Variants in SHANK1 observed in about 807,000 individuals in gnomAD.
SHANK1 encodes SH3 and multiple ankyrin repeat domains 1.
Under a neutral mutation model 165.6 loss-of-function variants are expected in SHANK1, and 35 were observed. The observed-to-expected ratio is 0.21, with a 90% confidence interval of 0.16 to 0.28. The LOEUF (loss-of-function observed/expected upper bound fraction) is 0.28, where lower values mean the gene tolerates loss of function less well. Among genes scored for constraint, SHANK1 ranks in the 10% least tolerant of loss-of-function variants. The pLI, the probability that SHANK1 is intolerant of heterozygous loss-of-function variation, is 1.00. For missense variants in SHANK1, 2,681 were observed against 3,036.4 expected (o/e 0.88, Z 2.75); for synonymous variants, 1,428 against 1,384.8 (o/e 1.03, Z -0.69).
intron 8 of SHANK1, among the ~76,000 whole-genome samples, chr19:50,707,918 TTTCTTTTCTTTTCTTTTCTTTTC>T (rs2088963266): frequency 5.9e-5 from 6 of 102,308 alleles, no homozygotes; most frequent in African/African-American, 1.2e-4. Flanking sequence ...TTTCTTTTCT[TTTCTTTTCTTTTCTTTTCTTTTC>T]TTTTCTTTTC....
intron 23 of SHANK1, among the ~76,000 whole-genome samples, chr19:50,665,605 A>G (rs1458831820): frequency 6.7e-6 from 1 of 149,630 alleles, no homozygotes; most frequent in Admixed American, 6.7e-5. Context: ...AGAAGAAAAG[A>G]AAAATTGGCC....
chr19:50,683,802 G>A (rs747450470), intron 21 of SHANK1, among the ~76,000 whole-genome samples: 17 of 152,178 alleles, frequency 1.1e-4, no homozygotes, highest in African/African-American at 3.4e-4. Context: ...AGCCCTTCGC[G>A]TATTGATTCT....
Position 50,660,452 on chromosome 19 carries a change from G to C in SHANK1, c.*1513C>G, listed in dbSNP as rs950060490. Among the ~76,000 whole-genome samples the C allele has an allele frequency of 1.3e-5, 2 of 152,098 alleles. No homozygotes were observed. Among genetic ancestry groups the C allele is most frequent in the East Asian group, 1.9e-4 (1 of 5,176 alleles). On this transcript the variant is annotated 3_prime_UTR_variant, in exon 24 of 24. Transcript: ENST00000293441. ...GTGTGCATAGGGTCTTCTCTCACCA[G>C]GAAGAGAAAGAGCTTAAGGAGGTAA...
intron 12 of SHANK1, among the ~76,000 whole-genome samples, chr19:50,698,605 C>T (rs947240359): frequency 6.1e-5 from 9 of 148,028 alleles, no homozygotes; most frequent in African/African-American, 2.2e-4. Context: ...AGATATATGA[C>T]AAGAACAGCT....
At chr19:50,689,874 A>G (rs989904840) in intron 15 of SHANK1, among the ~76,000 whole-genome samples, 2 of 152,146 alleles carry the variant, frequency 1.3e-5, no homozygotes, top group Non-Finnish European at 2.9e-5. Context: ...TCCTTTATAC[A>G]TATGTCACCT....
chr19:50,703,950 G>A, intron 10 of SHANK1, 120 bp from the exon 11 acceptor site: 1 of 750,740 alleles, frequency 1.3e-6, no homozygotes, highest in African/African-American at 1.8e-5. Context: ...AGATGAGAAA[G>A]GGAGGGGGGC....
chr19:50,665,757 G>A (rs1396601155), intron 23 of SHANK1, among the ~76,000 whole-genome samples: 7 of 62,014 alleles, frequency 1.1e-4, no homozygotes, highest in Admixed American at 6.5e-4. Context: ...AAAAAAGCCA[G>A]GCATGTTGGC....
In SHANK1 at chr19:50,659,935, C is replaced by T. The variant is rs1985127152; in HGVS notation, c.*2030G>A. Among the ~76,000 whole-genome samples the T allele has an allele frequency of 6.7e-6, 1 of 150,152 alleles. No homozygotes were observed. The highest frequency in any genetic ancestry group is 2.1e-4 in the South Asian group (1 of 4,726). On this transcript the variant is annotated 3_prime_UTR_variant, in exon 24 of 24. Coordinates refer to ENST00000293441, the MANE Select transcript of SHANK1 (RefSeq NM_016148.5). ...CGCGGCCTCTGCCCCTCTCTCACCA[C>T]CCCTCCCCCCTCCCACGACCCTCCC...
chr19:50,706,435 C>T (rs539895205), intron 8 of SHANK1, among the ~76,000 whole-genome samples: 9 of 152,202 alleles, frequency 5.9e-5, no homozygotes, highest in East Asian at 3.9e-4. Flanking sequence ...GTCCATGCCA[C>T]GGCCTAGGAG....
chr19:50,715,039 T>C lies in SHANK1; in HGVS notation c.531+620A>G, dbSNP rs181058357. On this transcript the variant is annotated intron_variant, in intron 4 of 23. Transcript: ENST00000293441. ...AATGCATGCTGTGGTGGGGAGAGGG[T>C]AGACAAGGAGGGACTGGGAGTTTTT... Among the ~76,000 whole-genome samples, 515 of 150,232 alleles carry C rather than the reference T, an allele frequency of 3.4e-3. 3 individuals carry two copies. The highest frequency in any genetic ancestry group is 5.4e-3 in the Non-Finnish European group (362 of 67,418).
In SHANK1 at chr19:50,666,601, C is replaced by T. The variant is rs752168930; in HGVS notation, c.5359G>A (p.Val1787Ile). ...RDPVTPTSPT[V>I]SVTGAGTDGL... ...TCGGTTCCAGCCCCTGTCACCGAGACGGTGGGGCTGGTGGGGGTAACAGGG... is the reference window on the plus strand; with the variant it reads ...TCGGTTCCAGCCCCTGTCACCGAGATGGTGGGGCTGGTGGGGGTAACAGGG... The change falls in exon 23 of 24, where the codon GTC (valine) becomes ATC (isoleucine). Residue 1787 changes from valine (V) to isoleucine (I), a missense_variant. By Grantham distance (29) the Val-to-Ile change is conservative (BLOSUM62 3). Coordinates refer to ENST00000293441, the MANE Select transcript of SHANK1 (RefSeq NM_016148.5). 11 of 1,601,506 alleles carry T rather than the reference C, an allele frequency of 6.9e-6. No homozygotes were observed. The East Asian group carries it at 1.8e-4, about 26-fold the overall frequency.
Position 50,660,117 on chromosome 19 carries a change from A to G in SHANK1, c.*1848T>C, listed in dbSNP as rs1486911713. 9.9e-6 allele frequency among the ~76,000 whole-genome samples: 1 copy of G among 100,598 alleles called. No homozygotes were observed. The highest frequency in any genetic ancestry group is 1.8e-5 in the Non-Finnish European group (1 of 54,134). The allele number at this position is 100,598 out of a possible 152,430, so 66.0% of individuals were successfully genotyped here. ...GAGCTCCCTTCTTTGGCAGCTGAAC[A>G]TGGGGGGGGGACCTGAGGGCAACGC... is the stretch of plus-strand genomic sequence containing the variant. On this transcript the variant is annotated 3_prime_UTR_variant, in exon 24 of 24. Transcript: ENST00000293441.
At chr19:50,715,608 G>T (rs778773494) in intron 4 of SHANK1, 51 bp downstream of exon 4, 2 of 1,471,276 alleles carry the variant, frequency 1.4e-6, no homozygotes, top group Non-Finnish European at 1.9e-6. Flanking sequence ...TGGGTAGGGG[G>T]CTCCAGTGGT....
In SHANK1 at chr19:50,665,650, T is replaced by C. The variant is rs148326620; in HGVS notation, c.5768+542A>G. Among the ~76,000 whole-genome samples the C allele has an allele frequency of 5.6e-3, 816 of 146,420 alleles. 9 individuals carry two copies. Among genetic ancestry groups the C allele is most frequent in the African/African-American group, 0.02 (776 of 38,828 alleles). ...GGCGTGCACCTATAGTCCCAGAGGA[T>C]TGCTTGAGCCCAGGAGTTTGAGGCT... is the stretch of plus-strand genomic sequence containing the variant. On this transcript the variant is annotated intron_variant, in intron 23 of 23. Coordinates refer to ENST00000293441, the MANE Select transcript of SHANK1 (RefSeq NM_016148.5).
Position 50,718,954 on chromosome 19 carries a change from C to G in SHANK1, c.-44+452G>C, listed in dbSNP as rs2089100693. 1.3e-5 allele frequency among the ~76,000 whole-genome samples: 2 copies of G among 150,906 alleles called. 1 individual carries two copies. Among genetic ancestry groups the G allele is most frequent in the Admixed American group, 1.3e-4 (2 of 15,204 alleles). ...GACTGGAGGAGCCTGGAAGGAGAAG[C>G]GGGAGCTGGAGGGGTCGAAAGGGGC... On this transcript the variant is annotated intron_variant, in intron 1 of 23. Coordinates refer to ENST00000293441, the MANE Select transcript of SHANK1 (RefSeq NM_016148.5). This position sits in a 1 kb window ranked among gnomAD's most constrained non-coding sequence, Gnocchi z 5.1.
In SHANK1 at chr19:50,670,412, T is replaced by C. The variant is rs1337971026; in HGVS notation, c.2675-1127A>G. On this transcript the variant is annotated intron_variant, in intron 22 of 23. Coordinates refer to ENST00000293441, the MANE Select transcript of SHANK1 (RefSeq NM_016148.5). The surrounding 1 kb of genome is among the most constrained non-coding windows in gnomAD (Gnocchi z 4.1). ...TTTCCTATCTGGATAGCAATAGCTG[T>C]CACCTCCTCTTTGGTCCCCCGGCTT... Among the ~76,000 whole-genome samples the C allele has an allele frequency of 2.0e-5, 3 of 152,194 alleles. No individual in the cohort carries two copies. Among genetic ancestry groups the C allele is most frequent in the African/African-American group, 7.2e-5 (3 of 41,440 alleles).
chr19:50,686,904 C>T lies in SHANK1; in HGVS notation c.2390-92G>A. The stretch of plus-strand genomic sequence containing the variant: ...GTGGGCGTGGCCAGCAGGTGCGGGC[C>T]AGTGGGCGTGGCGGGCGCGAGAGGG... On this transcript the variant is annotated intron_variant, in intron 19 of 23. Coordinates refer to ENST00000293441, the MANE Select transcript of SHANK1 (RefSeq NM_016148.5). The surrounding 1 kb of genome is among the most constrained non-coding windows in gnomAD (Gnocchi z 5.7). The T allele has an allele frequency of 1.3e-6, 2 of 1,491,824 alleles. No homozygotes were observed. Among genetic ancestry groups the T allele is most frequent in the Non-Finnish European group, 1.8e-6 (2 of 1,102,566 alleles). The allele number at this position is 1,491,824 out of a possible 1,614,324, so 92.4% of individuals were successfully genotyped here.
chr19:50,704,269 C>T, intron 9 of SHANK1, 83 bp from the exon 10 acceptor site: 2 of 1,441,316 alleles, frequency 1.4e-6, no homozygotes, highest in African/African-American at 1.4e-5. Flanking sequence ...GGTCCCTGGC[C>T]CGACCCAAAC....
At position 50,668,121 on chromosome 19, in the gene SHANK1, G is replaced by A. The variant is rs538603919; in HGVS notation, c.3839C>T (p.Pro1280Leu). The A allele has an allele frequency of 3.3e-5, 48 of 1,475,586 alleles. No homozygotes were observed. The East Asian group carries it at 1.3e-3, about 39-fold the overall frequency. The allele number at this position is 1,475,586 out of a possible 1,614,324, so 91.4% of individuals were successfully genotyped here. A position where few individuals can be genotyped will look rare whatever the true frequency, so the allele number is the denominator to read the frequency against. Residue 1280 changes from proline (P) to leucine (L), a missense_variant, in exon 23 of 24, where the codon CCG (proline) becomes CTG (leucine). By Grantham distance (98) the Pro-to-Leu change is moderately conservative (BLOSUM62 -3). This residue lies in a region of SHANK1 where 1,713 missense variants were observed against 1,630.2 expected (regional missense o/e 1.05). Coordinates refer to ENST00000293441, the MANE Select transcript of SHANK1 (RefSeq NM_016148.5). ...GGLGTGAAPG[P>L]RLRHSKSIDE... ...GATGGATTTGGAGTGGCGCAGCCGC[G>A]GGCCCGGGGCCGCCCCTGTGCCCAG...
Sources: gnomAD v4.1 joint callset for allele counts (sites outside exome capture counted in the v4.1 genomes callset) on GRCh38, gnomAD v4.1.1 for gene constraint, gnomAD v4.1.1 regional missense constraint, Gnocchi (gnomAD v3.1) non-coding constraint, MANE v1.5 for transcripts, NCBI Gene and HGNC (gene_info 2026-07-23, HGNC 2026-07-21) for gene names.